SLC26A4: variants seen among roughly 807,000 people sequenced by gnomAD.
SLC26A4 encodes the protein pendrin.
A neutral mutation model predicts 90.4 loss-of-function variants in SLC26A4; 93 were observed. The observed-to-expected ratio is 1.03, with a 90% CI of 0.87 to 1.22. The LOEUF is 1.22. Ranked by LOEUF, SLC26A4 falls within the 50% of genes most tolerant of loss-of-function variation. SLC26A4 has a pLI of 0.00. For synonymous variants in SLC26A4, 393 were observed against 354.6 expected, an observed-to-expected ratio of 1.11 and a Z score of -1.22; for missense variants, 1,127 against 946.2, an observed-to-expected ratio of 1.19 and a Z score of -2.51.
intron 18 of SLC26A4, among the ~76,000 whole-genome samples, chr7:107,707,067 G>T (rs1792054168): frequency 6.6e-6 from 1 of 152,152 alleles, no homozygotes; most frequent in East Asian, 1.9e-4. Flanking sequence ...AGCTGGGGAA[G>T]TGGAGGTAGC....
intron 6 of SLC26A4, among the ~76,000 whole-genome samples, chr7:107,677,418 C>T (rs1285607167): frequency 1.3e-5 from 2 of 152,072 alleles, no homozygotes. Flanking sequence ...AGCACAATAT[C>T]TGTCACATAG....
chr7:107,669,768 AC>A (rs2129310653), intron 3 of SLC26A4, among the ~76,000 whole-genome samples: 1 of 152,214 alleles, frequency 6.6e-6, no homozygotes, highest in East Asian at 1.9e-4. Context: ...ATGAAAAAAT[AC>A]CTCCACTACA....
At chr7:107,680,068 ATATAATATATTCTTATCTTATT>A in intron 6 of SLC26A4, among the ~76,000 whole-genome samples, 3 of 126,838 alleles carry the variant, frequency 2.4e-5, no homozygotes, top group African/African-American at 1.0e-4. Flanking sequence ...TAATCTTATT[ATATAATATATTCTTATCTTATT>A]ATATAATCTT....
chr7:107,695,074 G>T (rs1245702307), intron 12 of SLC26A4, among the ~76,000 whole-genome samples: 2 of 152,058 alleles, frequency 1.3e-5, no homozygotes, highest in Non-Finnish European at 2.9e-5. Context: ...AAAAACCCAC[G>T]CTGACTTTAA....
At chr7:107,696,309 T>C (rs183961211) in intron 13 of SLC26A4, among the ~76,000 whole-genome samples, 6 of 152,334 alleles carry the variant, frequency 3.9e-5, no homozygotes, top group Admixed American at 2.0e-4. Context: ...AGCTAGTACG[T>C]GGCAGAGCTA....
chr7:107,707,128 C>A (rs539165933), intron 18 of SLC26A4, among the ~76,000 whole-genome samples: 13 of 152,096 alleles, frequency 8.5e-5, no homozygotes, highest in Non-Finnish European at 1.6e-4. Context: ...CAGAGTGAGA[C>A]CCTGTCTCAA....
In SLC26A4 at chr7:107,704,205, C is replaced by A. The variant is rs1005756694; in HGVS notation, c.2035-126C>A. 4 of 643,966 alleles carry A rather than the reference C, an allele frequency of 6.2e-6. No individual in the cohort carries two copies. In the African/African-American group the frequency reaches 7.3e-5, roughly 12 times the overall value. The allele number at this position is 643,966 out of a possible 1,614,324, so 39.9% of individuals were successfully genotyped here. On this transcript the variant is annotated intron_variant, in intron 17 of 20. Coordinates refer to ENST00000644269, the MANE Select transcript of SLC26A4 (RefSeq NM_000441.2). ...AACCTCCATGGTTTTGCAATAATAA[C>A]CTTTCCTTAAAGTCCTGATTAACCA...
At chr7:107,668,812 A>G (rs954955566) in intron 3 of SLC26A4, among the ~76,000 whole-genome samples, 22 of 152,176 alleles carry the variant, frequency 1.4e-4, no homozygotes, top group African/African-American at 5.3e-4. Flanking sequence ...GCGTCCTCAC[A>G]TGGTGGAAGG....
intron 6 of SLC26A4, among the ~76,000 whole-genome samples, chr7:107,676,360 T>C (rs1791024175): frequency 6.6e-6 from 1 of 152,192 alleles, no homozygotes; most frequent in African/African-American, 2.4e-5. Context: ...TGGAGATGTA[T>C]CTCTAAAAGC....
At chr7:107,714,027 G>A (rs555320046) in intron 20 of SLC26A4, among the ~76,000 whole-genome samples, 3 of 152,018 alleles carry the variant, frequency 2.0e-5, no homozygotes, top group Non-Finnish European at 4.4e-5. Flanking sequence ...AGATTCTCAC[G>A]TGTGCCTCAG....
chr7:107,688,359 T>C (rs1256433269), intron 8 of SLC26A4, among the ~76,000 whole-genome samples: 2 of 152,188 alleles, frequency 1.3e-5, no homozygotes, highest in Non-Finnish European at 2.9e-5. Flanking sequence ...GTCATCAAGA[T>C]ATAGGTCCAT....
At position 107,689,103 on chromosome 7, in the gene SLC26A4, C is replaced by G. The variant is rs764088949; in HGVS notation, c.1052C>G (p.Ala351Gly). The change falls in exon 9 of 21, where the codon GCT becomes GGT. Residue 351 changes from alanine to glycine, a missense_variant. Transcript: ENST00000644269. ...PPVSLFSEML[A>G]ASFSIAVVAY... ...GTGAGCTTGTTCTCGGAGATGCTGGCTGCATCATTTTCCATCGCTGTGGTG... is the reference window on the plus strand; with the variant it reads ...GTGAGCTTGTTCTCGGAGATGCTGGGTGCATCATTTTCCATCGCTGTGGTG... The G allele has an allele frequency of 1.7e-5, 28 of 1,613,808 alleles. No individual in the cohort carries two copies. The South Asian group carries it at 3.1e-4, about 18-fold the overall frequency.
intron 4 of SLC26A4, among the ~76,000 whole-genome samples, chr7:107,673,177 G>A (rs925929845): frequency 4.6e-5 from 7 of 152,104 alleles, no homozygotes; most frequent in Admixed American, 2.0e-4. Context: ...GGTGACTGGG[G>A]TTGGGTTTTG....
chr7:107,661,174 T>C lies in SLC26A4; in HGVS notation c.-4+319T>C. On this transcript the variant is annotated intron_variant, in intron 1 of 20. Transcript: ENST00000644269. The surrounding 1 kb of genome is among the most constrained non-coding windows in gnomAD (Gnocchi z 5.1). ...CTGGCCCGGGGGTCTGCACCTCTCC[T>C]CCAGTGCGCACCTGGAGCTGCGTCC... 1 of 202,412 alleles carries C rather than the reference T, an allele frequency of 4.9e-6. No homozygotes were observed. Among genetic ancestry groups the C allele is most frequent in the Admixed American group, 5.7e-5 (1 of 17,530 alleles). 12.5% of individuals were successfully genotyped at this position (202,412 alleles called of 1,614,324 possible). A position where few individuals can be genotyped will look rare whatever the true frequency, so the allele number is the denominator to read the frequency against.
In SLC26A4 at chr7:107,698,076, A is replaced by C. The variant is rs1554360358; in HGVS notation, c.1579A>C (p.Thr527Pro). The C allele has an allele frequency of 3.7e-6, 6 of 1,610,576 alleles. No individual in the cohort carries two copies. In the East Asian group the frequency reaches 1.1e-4, roughly 30 times the overall value. The change falls in exon 14 of 21, where the codon ACA (threonine) becomes CCA (proline). Residue 527 changes from threonine (T) to proline (P), a missense_variant. Coordinates refer to ENST00000644269, the MANE Select transcript of SLC26A4 (RefSeq NM_000441.2). ...GAATGGCCTTGGAAGCATCCCTAGC[A>C]CAGATATCTACAAAAGTACCAAGAA... The part of the protein sequence containing the change: ...SWNGLGSIPS[T>P]DIYKSTKNYK...
chr7:107,685,237 G>A (rs1190646174), intron 8 of SLC26A4, among the ~76,000 whole-genome samples: 1 of 152,130 alleles, frequency 6.6e-6, no homozygotes, highest in Non-Finnish European at 1.5e-5. Flanking sequence ...AAATACCCAA[G>A]CCTATGTCAT....
intron 10 of SLC26A4, chr7:107,692,037 G>A: frequency 7.8e-7 from 1 of 1,289,274 alleles, no homozygotes; most frequent in South Asian, 1.2e-5. Flanking sequence ...TTCTCCTGAT[G>A]TTACCTCCAG....
chr7:107,661,150 T>C lies in SLC26A4; in HGVS notation c.-4+295T>C, dbSNP rs952887063. 11 of 164,804 alleles carry C rather than the reference T, an allele frequency of 6.7e-5. No individual in the cohort carries two copies. Among genetic ancestry groups the C allele is most frequent in the Admixed American group, 3.1e-4 (5 of 16,038 alleles). The allele number at this position is 164,804 out of a possible 1,614,324, so 10.2% of individuals were successfully genotyped here. On this transcript the variant is annotated intron_variant, in intron 1 of 20. Coordinates refer to ENST00000644269, the MANE Select transcript of SLC26A4 (RefSeq NM_000441.2). This position sits in a 1 kb window ranked among gnomAD's most constrained non-coding sequence, Gnocchi z 5.1. ...GAGCGCGCCCTGACGGTTCCACGCC[T>C]GGCCCGGGGGTCTGCACCTCTCCTC...
intron 15 of SLC26A4, among the ~76,000 whole-genome samples, chr7:107,700,684 T>C (rs1244495622): frequency 6.6e-6 from 1 of 152,212 alleles, no homozygotes; most frequent in Non-Finnish European, 1.5e-5. Context: ...TGCCATGCTA[T>C]GCTTTGAACT....
Sources: gnomAD v4.1 joint callset for allele counts (sites outside exome capture counted in the v4.1 genomes callset) on GRCh38, gnomAD v4.1.1 for gene constraint, Gnocchi (gnomAD v3.1) non-coding constraint, MANE v1.5 for transcripts, NCBI Gene and HGNC (gene_info 2026-07-23, HGNC 2026-07-21) for gene names.